Variants in FRMD4A observed in about 807,000 individuals in gnomAD.
FRMD4A encodes the protein FERM domain-containing protein 4A.
Under a neutral mutation model 129.1 loss-of-function variants are expected in FRMD4A, and 29 were observed. The ratio of observed to expected loss-of-function variants is 0.22; its 90% CI spans 0.17 to 0.31. The LOEUF is 0.31. FRMD4A is among the 10% of genes least tolerant of loss of function. The pLI is 1.00. For synonymous variants in FRMD4A, 634 were observed against 571.6 expected (o/e 1.11, Z -1.56); for missense variants, 1,272 against 1,375.8 (o/e 0.92, Z 1.19).
intron 2 of FRMD4A, among the ~76,000 whole-genome samples, chr10:14,257,078 C>T (rs183076768): frequency 1.1e-4 from 16 of 152,196 alleles, no homozygotes; most frequent in East Asian, 9.6e-4. Context: ...CCTGTAATCC[C>T]GGCACTTTGG....
At chr10:13,661,668 G>A (rs2082650390) in intron 19 of FRMD4A, among the ~76,000 whole-genome samples, 3 of 152,156 alleles carry the variant, frequency 2.0e-5, no homozygotes, top group African/African-American at 2.4e-5. Flanking sequence ...TAGAAAGGAA[G>A]GGAGAGAGAC....
At chr10:13,795,586 A>G (rs2093098234) in intron 5 of FRMD4A, among the ~76,000 whole-genome samples, 1 of 152,136 alleles carries the variant, frequency 6.6e-6, no homozygotes, top group Non-Finnish European at 1.5e-5. Context: ...CTGTTAGTAT[A>G]TTTCAAAGAA....
intron 2 of FRMD4A, among the ~76,000 whole-genome samples, chr10:14,047,317 C>T (rs972781605): frequency 3.3e-5 from 5 of 152,082 alleles, no homozygotes; most frequent in Admixed American, 1.3e-4. Context: ...TGGTTTTAAT[C>T]GGCTGGTACC....
At chr10:13,704,649 AG>A (rs1453511159) in intron 13 of FRMD4A, among the ~76,000 whole-genome samples, 1 of 152,102 alleles carries the variant, frequency 6.6e-6, no homozygotes, top group Non-Finnish European at 1.5e-5. Flanking sequence ...CCTTCTGTAC[AG>A]TATAGAGATA....
intron 3 of FRMD4A, among the ~76,000 whole-genome samples, chr10:13,825,874 T>C (rs1225245451): frequency 6.6e-6 from 1 of 152,242 alleles, no homozygotes; most frequent in Non-Finnish European, 1.5e-5. Context: ...GACTTGAGCA[T>C]CTGATGATTT....
chr10:14,199,501 T>C (rs1564381733), intron 2 of FRMD4A, among the ~76,000 whole-genome samples: 2 of 151,796 alleles, frequency 1.3e-5, no homozygotes, highest in South Asian at 4.2e-4. Flanking sequence ...GCAATTCTCC[T>C]GTCTCAGCCT....
At chr10:13,902,106 C>T (rs2094826241) in intron 2 of FRMD4A, among the ~76,000 whole-genome samples, 1 of 151,868 alleles carries the variant, frequency 6.6e-6, no homozygotes, top group Non-Finnish European at 1.5e-5. Flanking sequence ...AACCTTGAAC[C>T]CCTGAGCTCA....
intron 2 of FRMD4A, among the ~76,000 whole-genome samples, chr10:14,232,823 G>A (rs986010594): frequency 6.6e-6 from 1 of 152,188 alleles, no homozygotes; most frequent in Non-Finnish European, 1.5e-5. Context: ...AAGCCTTTGG[G>A]CAGAGACTTT....
intron 12 of FRMD4A, among the ~76,000 whole-genome samples, chr10:13,729,132 C>CGCCCAAGGCCAGGGTCTGTCACCCATAG (rs141124690): frequency 6.6e-6 from 1 of 151,666 alleles, no homozygotes; most frequent in Non-Finnish European, 1.5e-5. Flanking sequence ...GGTCTCTAGA[C>CGCCCAAGGCCAGGGTCTGTCACCCATAG]GCATGGAAAG....
intron 18 of FRMD4A, among the ~76,000 whole-genome samples, chr10:13,665,239 C>A (rs1302499744): frequency 6.6e-6 from 1 of 152,026 alleles, no homozygotes; most frequent in African/African-American, 2.4e-5. Context: ...GCGTAACCGT[C>A]ACCACCATCC....
At position 13,656,913 on chromosome 10, in the gene FRMD4A, G is replaced by C. The variant is rs929027969; in HGVS notation, c.2676C>G (p.Asp892Glu). The change falls in exon 22 of 25, where the codon GAC becomes GAG. Residue 892 changes from aspartate (D) to glutamate (E), a missense_variant. Asp to Glu is a conservative substitution (Grantham distance 45). Transcript: ENST00000357447. ...SWRGGGGDEG[D>E]TGRLTPSRSQ... ...ATCGCGACGGCGTCAGGCGGCCCGT[G>C]TCGCCCTCGTCGCCGCCGCCGCCGC... 2 of 1,489,714 alleles carry C rather than the reference G, an allele frequency of 1.3e-6. No homozygotes were observed. Among genetic ancestry groups the C allele is most frequent in the Non-Finnish European group, 1.8e-6 (2 of 1,125,822 alleles). The allele number at this position is 1,489,714 out of a possible 1,614,324, so 92.3% of individuals were successfully genotyped here.
intron 2 of FRMD4A, among the ~76,000 whole-genome samples, chr10:13,868,292 A>T (rs954912553): frequency 1.3e-5 from 2 of 152,088 alleles, no homozygotes; most frequent in Non-Finnish European, 1.5e-5. Flanking sequence ...TATGATTTTT[A>T]TGATAACTTT....
intron 12 of FRMD4A, among the ~76,000 whole-genome samples, chr10:13,723,968 T>A (rs1235432065): frequency 2.0e-5 from 3 of 152,232 alleles, no homozygotes; most frequent in Non-Finnish European, 1.5e-5. Flanking sequence ...AATAAAAGCT[T>A]ATTTTGCTAT....
At chr10:13,846,975 T>G (rs1017355310) in intron 3 of FRMD4A, among the ~76,000 whole-genome samples, 49 of 152,264 alleles carry the variant, frequency 3.2e-4, no homozygotes, top group Middle Eastern at 3.4e-3. Flanking sequence ...ATGTCTACAC[T>G]GGGGCATGTA....
chr10:13,713,752 G>A (rs2088282225), intron 12 of FRMD4A, among the ~76,000 whole-genome samples: 1 of 145,750 alleles, frequency 6.9e-6, no homozygotes, highest in South Asian at 2.1e-4. Context: ...AGGGGCAACA[G>A]AAGTAGGTAT....
intron 2 of FRMD4A, among the ~76,000 whole-genome samples, chr10:13,914,087 C>T (rs1380788021): frequency 6.6e-6 from 1 of 152,214 alleles, no homozygotes; most frequent in Non-Finnish European, 1.5e-5. Context: ...GCTGTGGCCT[C>T]TGCTCAAGAA....
intron 2 of FRMD4A, among the ~76,000 whole-genome samples, chr10:13,879,937 C>G (rs921891280): frequency 6.6e-6 from 1 of 151,914 alleles, no homozygotes; most frequent in African/African-American, 2.4e-5. Flanking sequence ...TGAGCCACCA[C>G]GCTTGGCTGT....
intron 2 of FRMD4A, among the ~76,000 whole-genome samples, chr10:13,998,759 C>G (rs2095631726): frequency 6.6e-6 from 1 of 152,198 alleles, no homozygotes; most frequent in South Asian, 2.1e-4. Flanking sequence ...CTCACCACCT[C>G]CAGGGTATCC....
chr10:14,183,261 T>G (rs1172146405), intron 2 of FRMD4A, among the ~76,000 whole-genome samples: 2 of 152,226 alleles, frequency 1.3e-5, no homozygotes, highest in Admixed American at 1.3e-4. Context: ...GCAGACAGAG[T>G]TCACTTTATA....
Sources: gnomAD v4.1 joint callset for allele counts (sites outside exome capture counted in the v4.1 genomes callset) on GRCh38, gnomAD v4.1.1 for gene constraint, MANE v1.5 for transcripts, NCBI Gene and HGNC (gene_info 2026-07-23, HGNC 2026-07-21) for gene names.